The following PDZD8 variants were observed in gnomAD, a reference collection of about 807,000 sequenced individuals.
The protein encoded by PDZD8 is PDZ domain containing 8.
In PDZD8, 14 loss-of-function variants were observed where a neutral mutation model predicts 85.8. That is an observed-to-expected ratio of 0.16 (90% confidence interval 0.11 to 0.26). PDZD8 has a LOEUF of 0.26. Ranked by LOEUF, PDZD8 falls within the 10% of genes least tolerant of loss-of-function variation. PDZD8 has a pLI of 1.00. For missense variants in PDZD8, 1,197 were observed against 1,424.3 expected, an observed-to-expected ratio of 0.84 and a Z score of 2.57; for synonymous variants, 592 against 568.6, an observed-to-expected ratio of 1.04 and a Z score of -0.59.
intron 3 of PDZD8, among the ~76,000 whole-genome samples, chr10:117,317,295 C>T (rs530819858): frequency 7.9e-5 from 12 of 152,094 alleles, no homozygotes; most frequent in Non-Finnish European, 1.8e-4. Flanking sequence ...CTATTTTCTA[C>T]CCATATTTGT....
intron 2 of PDZD8, among the ~76,000 whole-genome samples, chr10:117,319,816 A>G (rs1844198944): frequency 6.6e-6 from 1 of 152,126 alleles, no homozygotes; most frequent in Admixed American, 6.6e-5. Flanking sequence ...TAAATCTGCC[A>G]ACTTGTTTCA....
intron 1 of PDZD8, among the ~76,000 whole-genome samples, chr10:117,370,378 T>A (rs1845168043): frequency 6.6e-6 from 1 of 152,160 alleles, no homozygotes; most frequent in Non-Finnish European, 1.5e-5. Flanking sequence ...AGAGGCTGAT[T>A]CACTTTAGCA....
intron 3 of PDZD8, among the ~76,000 whole-genome samples, chr10:117,312,457 C>G (rs1393222185): frequency 6.6e-6 from 1 of 152,108 alleles, no homozygotes; most frequent in Non-Finnish European, 1.5e-5. Context: ...CCAGGACATT[C>G]ACTAAACTGC....
intron 2 of PDZD8, among the ~76,000 whole-genome samples, chr10:117,332,609 T>TA (rs1844438213): frequency 1.3e-5 from 2 of 149,344 alleles, no homozygotes; most frequent in African/African-American, 4.9e-5. Flanking sequence ...TGGGTTCAGG[T>TA]GATTATCTTG....
In PDZD8 at chr10:117,285,377, A is replaced by G. The variant is rs1303367453; in HGVS notation, c.1356T>C (p.Ser452=). 1 of 1,613,838 alleles carries G rather than the reference A, an allele frequency of 6.2e-7. No individual in the cohort carries two copies. The highest frequency in any genetic ancestry group is 8.5e-7 in the Non-Finnish European group (1 of 1,179,996). The change falls in exon 5 of 5, where the codon AGT becomes AGC. Residue 452 remains serine (S), a synonymous_variant. Transcript: ENST00000334464. ...LVYYERPVGQ[S]NQGAVLQDNF... is the part of the protein sequence containing the mutation. The stretch of plus-strand genomic sequence containing the variant: ...TATCTTGCAGCACTGCACCTTGATT[A>G]CTCTGGCCAACAGGCCTTTCATAGT...
intron 2 of PDZD8, among the ~76,000 whole-genome samples, chr10:117,331,053 A>G (rs1844413482): frequency 6.6e-6 from 1 of 152,158 alleles, no homozygotes; most frequent in Non-Finnish European, 1.5e-5. Flanking sequence ...CAAATTAGAC[A>G]GCCTCATATA....
chr10:117,363,785 C>G (rs1845037800), intron 1 of PDZD8, among the ~76,000 whole-genome samples: 1 of 152,080 alleles, frequency 6.6e-6, no homozygotes, highest in African/African-American at 2.4e-5. Flanking sequence ...AGTACCCCAC[C>G]CACCATATCA....
chr10:117,284,650 T>C lies in PDZD8; in HGVS notation c.2083A>G (p.Arg695Gly), dbSNP rs372077567. 5.0e-6 allele frequency: 8 copies of C among 1,614,116 alleles called. No homozygotes were observed. The highest frequency in any genetic ancestry group is 4.5e-5 in the East Asian group (2 of 44,900). Residue 695 changes from arginine to glycine, a missense_variant, in exon 5 of 5, where the codon AGA becomes GGA. By Grantham distance (125) the Arg-to-Gly change is moderately radical. This residue lies in a region of PDZD8 where 418 missense variants were observed against 571.1 expected (regional missense o/e 0.73). Coordinates refer to ENST00000334464, the MANE Select transcript of PDZD8 (RefSeq NM_173791.5). ...TCAAACAAACAGGATGCTCTGGTTC[T>C]TGTCCATTTTCCTAGCTTATTACGA... is the stretch of plus-strand genomic sequence containing the variant. The part of the protein sequence containing the change: ...LYRNKLGKWT[R>G]TRASCLFDIE...
chr10:117,305,259 G>A (rs1033253454), intron 3 of PDZD8, among the ~76,000 whole-genome samples: 8 of 151,812 alleles, frequency 5.3e-5, no homozygotes, highest in African/African-American at 9.7e-5. Context: ...CTAAAAATAC[G>A]AAACTTAGCC....
At chr10:117,347,603 T>A (rs934730866) in intron 1 of PDZD8, among the ~76,000 whole-genome samples, 1 of 152,030 alleles carries the variant, frequency 6.6e-6, no homozygotes, top group African/African-American at 2.4e-5. Flanking sequence ...TCAGAATAAG[T>A]CTCTTCAAAT....
intron 1 of PDZD8, among the ~76,000 whole-genome samples, chr10:117,345,721 A>G (rs2133854381): frequency 6.6e-6 from 1 of 152,256 alleles, no homozygotes; most frequent in African/African-American, 2.4e-5. Context: ...ACAAAAAAAC[A>G]CACACTGCCT....
intron 2 of PDZD8, among the ~76,000 whole-genome samples, chr10:117,320,911 T>C (rs1023528369): frequency 2.6e-5 from 4 of 152,144 alleles, no homozygotes; most frequent in South Asian, 2.1e-4. Flanking sequence ...CATGAAAAGA[T>C]GCTCAACATC....
rs770208120 is a variant in PDZD8 at position 117,374,738 on chromosome 10, G to T, written c.490C>A (p.Arg164=). 1 of 1,611,272 alleles carries T rather than the reference G, an allele frequency of 6.2e-7. No homozygotes were observed. The change falls in exon 1 of 5, where the codon CGG becomes AGG. Residue 164 remains arginine, a synonymous_variant. Transcript: ENST00000334464. The surrounding 1 kb of genome is among the most constrained non-coding windows in gnomAD (Gnocchi z 7.8). ...CCGGTGGCCGAGGGCACGACTGGCC[G>T]CACGAGCCGGATGGTCTTGATGAAG... The part of the protein sequence containing the change: ...VPFIKTIRLV[R]PVVPSATGEP...
intron 4 of PDZD8, among the ~76,000 whole-genome samples, chr10:117,288,161 AT>A (rs1844697254): frequency 6.6e-6 from 1 of 152,186 alleles, no homozygotes; most frequent in African/African-American, 2.4e-5. Flanking sequence ...AATGAATTCC[AT>A]TTTGAGCTTC....
rs559929845 is a variant in PDZD8 at position 117,293,633 on chromosome 10, C to T, written c.1099-3285G>A. On this transcript the variant is annotated intron_variant, in intron 3 of 4. Coordinates refer to ENST00000334464, the MANE Select transcript of PDZD8 (RefSeq NM_173791.5). ...ACTAAAGCTGCTGCTAGAGGTATAACTTGGTTTCTTCATCCCTCTCTCAGC... is the reference window on the plus strand; with the variant it reads ...ACTAAAGCTGCTGCTAGAGGTATAATTTGGTTTCTTCATCCCTCTCTCAGC... Among the ~76,000 whole-genome samples the T allele has an allele frequency of 8.5e-5, 13 of 152,204 alleles. No individual in the cohort carries two copies. The South Asian group carries it at 2.3e-3, about 27-fold the overall frequency.
In PDZD8 at chr10:117,278,575, A is replaced by G. The variant is rs1035770494; in HGVS notation, c.*4693T>C. On this transcript the variant is annotated 3_prime_UTR_variant, in exon 5 of 5. Transcript: ENST00000334464. ...GAGTGTGCAGTGTGGAATGTCTCTAATACTACTTGTGAATCCTGCAGTTCT... is the reference window on the plus strand; with the variant it reads ...GAGTGTGCAGTGTGGAATGTCTCTAGTACTACTTGTGAATCCTGCAGTTCT... 6.6e-6 allele frequency: 1 copy of G among 152,176 alleles called. No individual in the cohort carries two copies. The highest frequency in any genetic ancestry group is 2.4e-5 in the African/African-American group (1 of 41,430). The allele number at this position is 152,176 out of a possible 1,614,324, so 9.4% of individuals were successfully genotyped here.
chr10:117,344,343 C>A (rs1844666930), intron 1 of PDZD8, among the ~76,000 whole-genome samples: 1 of 152,174 alleles, frequency 6.6e-6, no homozygotes, highest in Non-Finnish European at 1.5e-5. Context: ...CCCTGTTTCC[C>A]CAACAAGCTC....
intron 1 of PDZD8, among the ~76,000 whole-genome samples, chr10:117,372,098 C>T (rs1379018129): frequency 6.6e-6 from 1 of 152,186 alleles, no homozygotes; most frequent in Non-Finnish European, 1.5e-5. Context: ...GTACAATAAA[C>T]ATTTACAGAT....
At chr10:117,310,373 A>G (rs955142384) in intron 3 of PDZD8, among the ~76,000 whole-genome samples, 2 of 152,178 alleles carry the variant, frequency 1.3e-5, no homozygotes, top group Non-Finnish European at 2.9e-5. Context: ...CCTTGAAGGG[A>G]AAGATGATAC....
Sources: allele counts gnomAD v4.1 joint callset (sites outside exome capture counted in the v4.1 genomes callset), GRCh38; gene constraint gnomAD v4.1.1; regional missense constraint gnomAD v4.1.1; non-coding constraint Gnocchi (gnomAD v3.1); transcripts MANE v1.5; gene names NCBI Gene and HGNC (gene_info 2026-07-23, HGNC 2026-07-21).